DACH2: variants seen among roughly 807,000 people sequenced by gnomAD.
DACH2 encodes dachshund homolog 2.
A neutral mutation model predicts 35.8 loss-of-function variants in DACH2; 17 were observed. The observed-to-expected ratio is 0.48, with a 90% CI of 0.33 to 0.71. The LOEUF (loss-of-function observed/expected upper bound fraction) is 0.71. DACH2 is among the 30% of genes least tolerant of loss of function. The pLI, the probability that DACH2 is intolerant of heterozygous loss-of-function variation, is 0.02. For synonymous variants in DACH2, 195 were observed against 177.3 expected (o/e 1.10, Z -0.79); for missense variants, 469 against 472.7 (o/e 0.99, Z 0.07).
At chrX:86,646,208 C>A (rs772039652) in intron 3 of DACH2, among the ~76,000 whole-genome samples, 4 of 110,877 alleles carry the variant, frequency 3.6e-5, no homozygotes, top group Non-Finnish European at 7.6e-5. Flanking sequence ...TCAAACACTG[C>A]ATGTTCTCAC....
At chrX:86,185,796 C>T (rs1008393212) in intron 1 of DACH2, among the ~76,000 whole-genome samples, 2 of 111,620 alleles carry the variant, frequency 1.8e-5, no homozygotes, top group East Asian at 2.8e-4. Flanking sequence ...ACATTGTATT[C>T]GTTACTGTGT....
chrX:86,296,842 G>T (rs1422185545), intron 1 of DACH2, among the ~76,000 whole-genome samples: 1 of 109,972 alleles, frequency 9.1e-6, no homozygotes, highest in African/African-American at 3.3e-5. Context: ...GGCATGTATA[G>T]ATTGTGCACA....
intron 1 of DACH2, among the ~76,000 whole-genome samples, chrX:86,153,949 C>A (rs5968816): frequency 0.039 from 4,296 of 111,202 alleles, 206 homozygotes; most frequent in African/African-American, 0.13. Context: ...TTTTATGTAT[C>A]ATATTATCCT....
intron 3 of DACH2, among the ~76,000 whole-genome samples, chrX:86,629,719 C>T (rs770811544): frequency 1.0e-5 from 1 of 98,644 alleles, no homozygotes; most frequent in African/African-American, 3.8e-5. Context: ...CCTATCTCTG[C>T]AGAATAAAAA....
At chrX:86,201,151 C>G (rs2032145244) in intron 1 of DACH2, among the ~76,000 whole-genome samples, 1 of 110,532 alleles carries the variant, frequency 9.0e-6, no homozygotes, top group Non-Finnish European at 1.9e-5. Flanking sequence ...ATGGCTGGAG[C>G]TGGAGGCCAT....
At chrX:86,807,934 A>C (rs1198354396) in intron 7 of DACH2, among the ~76,000 whole-genome samples, 1 of 112,130 alleles carries the variant, frequency 8.9e-6, no homozygotes, top group Non-Finnish European at 1.9e-5. Context: ...TAATTTGAGC[A>C]ACGAAGCTTT....
At chrX:86,531,524 G>GC (rs1232998072) in intron 3 of DACH2, among the ~76,000 whole-genome samples, 1 of 112,226 alleles carries the variant, frequency 8.9e-6, no homozygotes, top group African/African-American at 3.2e-5. Flanking sequence ...GAGAGTGCAA[G>GC]CCCCAAGCAT....
chrX:86,722,098 G>C (rs1048565955), intron 6 of DACH2, among the ~76,000 whole-genome samples: 3 of 111,753 alleles, frequency 2.7e-5, no homozygotes, highest in South Asian at 3.8e-4. Flanking sequence ...GTGAGCATAG[G>C]CATCTTTGTC....
chrX:86,284,035 C>T (rs935470306), intron 1 of DACH2, among the ~76,000 whole-genome samples: 1 of 110,091 alleles, frequency 9.1e-6, no homozygotes, highest in Admixed American at 9.7e-5. Context: ...AATATTATAC[C>T]CTCTGCAAAC....
At chrX:86,369,474 C>T (rs1049600997) in intron 1 of DACH2, among the ~76,000 whole-genome samples, 2 of 110,540 alleles carry the variant, frequency 1.8e-5, no homozygotes, top group African/African-American at 6.6e-5. Context: ...AGAGCATGTC[C>T]AGGCCAAGAT....
chrX:86,766,851 T>A (rs2147290448), intron 7 of DACH2, among the ~76,000 whole-genome samples: 1 of 111,643 alleles, frequency 9.0e-6, no homozygotes, highest in East Asian at 2.8e-4. Flanking sequence ...GGATTTTTTT[T>A]TCTTTTTCCT....
At chrX:86,723,893 C>A (rs1003397640) in intron 6 of DACH2, among the ~76,000 whole-genome samples, 1 of 109,124 alleles carries the variant, frequency 9.2e-6, no homozygotes. Flanking sequence ...TTTTTTTTTA[C>A]TGTTTTTGAT....
intron 1 of DACH2, among the ~76,000 whole-genome samples, chrX:86,248,322 T>G (rs2033328280): frequency 9.0e-6 from 1 of 111,190 alleles, no homozygotes; most frequent in Non-Finnish European, 1.9e-5. Context: ...AGCTCCTAGA[T>G]CTGATAAATG....
At chrX:86,179,780 T>A (rs777963189) in intron 1 of DACH2, among the ~76,000 whole-genome samples, 11 of 111,239 alleles carry the variant, frequency 9.9e-5, no homozygotes, top group African/African-American at 3.2e-4. Context: ...GCAATGAGAT[T>A]GCACCTTGAT....
chrX:86,398,471 A>C (rs1358571869), intron 2 of DACH2, among the ~76,000 whole-genome samples: 2 of 111,381 alleles, frequency 1.8e-5, no homozygotes, highest in African/African-American at 6.5e-5. Context: ...AGTTCTTTTA[A>C]TTGTGATGTT....
At chrX:86,324,395 C>A (rs1241838325) in intron 1 of DACH2, among the ~76,000 whole-genome samples, 1 of 110,671 alleles carries the variant, frequency 9.0e-6, no homozygotes, top group Non-Finnish European at 1.9e-5. Flanking sequence ...GCTGAAATGA[C>A]AATAAAGTAT....
At chrX:86,249,450 A>T (rs1472608971) in intron 1 of DACH2, among the ~76,000 whole-genome samples, 2 of 111,784 alleles carry the variant, frequency 1.8e-5, no homozygotes, top group Non-Finnish European at 3.8e-5. Context: ...ATATGAAAAA[A>T]TGTTCAATAT....
At chrX:86,453,093 G>T (rs1008388287) in intron 2 of DACH2, among the ~76,000 whole-genome samples, 1 of 111,605 alleles carries the variant, frequency 9.0e-6, no homozygotes, top group African/African-American at 3.3e-5. Context: ...TCATTCAGGA[G>T]CAGGTTGTTC....
Position 86,289,703 on chromosome X carries a change from A to AG in DACH2, c.489-87120dup, listed in dbSNP as rs1223523376. On this transcript the variant is annotated intron_variant, in intron 1 of 11. Coordinates refer to ENST00000373125, the MANE Select transcript of DACH2 (RefSeq NM_053281.3). ...TTTTTCTTCTTGCGATAGTTTACTG[A>AG]GAATGATGATTTCCAATTTCCTCCA... Among the ~76,000 whole-genome samples, 11 of 107,523 alleles carry AG rather than the reference A, an allele frequency of 1.0e-4. No individual in the cohort carries two copies. The Admixed American group carries it at 1.1e-3, about 11-fold the overall frequency. 93.4% of individuals were successfully genotyped at this position (107,523 alleles called of 115,157 possible). A position where few individuals can be genotyped will look rare whatever the true frequency, so the allele number is the denominator to read the frequency against.
Sources: gnomAD v4.1 joint callset for allele counts (sites outside exome capture counted in the v4.1 genomes callset) on GRCh38, gnomAD v4.1.1 for gene constraint, MANE v1.5 for transcripts, NCBI Gene and HGNC (gene_info 2026-07-23, HGNC 2026-07-21) for gene names.